CAB39: variants seen among roughly 807,000 people sequenced by gnomAD.
The protein encoded by CAB39 is calcium binding protein 39, also known as calcium-binding protein 39.
In CAB39, 8 loss-of-function variants were observed where a neutral mutation model predicts 40.0. The observed-to-expected ratio is 0.20, with a 90% CI of 0.12 to 0.36. The LOEUF is 0.36. CAB39 is among the 10% of genes least tolerant of loss of function. CAB39 has a pLI of 1.00. For synonymous variants in CAB39, 156 were observed against 141.6 expected (o/e 1.10, Z -0.72); for missense variants, 270 against 401.1 (o/e 0.67, Z 2.79).
rs775903712 is a variant in CAB39 at position 230,798,719 on chromosome 2, G to A, written c.399-10G>A. On this transcript the variant is annotated splice_polypyrimidine_tract_variant and intron_variant, in intron 4 of 8. Transcript: ENST00000258418. The stretch of plus-strand genomic sequence containing the variant: ...GTTTGGTTTGTTTGTTTGGTTTTTT[G>A]TTTTTGCAGGTATGAATCTCCAGAA... 6.4e-7 allele frequency: 1 copy of A among 1,572,592 alleles called. No homozygotes were observed. The highest frequency in any genetic ancestry group is 8.7e-7 in the Non-Finnish European group (1 of 1,155,922).
chr2:230,756,756 G>A (rs1255887569), intron 1 of CAB39, among the ~76,000 whole-genome samples: 1 of 151,418 alleles, frequency 6.6e-6, no homozygotes, highest in Non-Finnish European at 1.5e-5. Context: ...GCAGTGGCGT[G>A]ATCTTAGCTC....
Position 230,727,363 on chromosome 2 carries a change from CGTGTGTGT to C in CAB39, c.-44+14162_-44+14169del, listed in dbSNP as rs10542723. 5.1e-3 allele frequency among the ~76,000 whole-genome samples: 652 copies of C among 126,940 alleles called. 5 individuals are homozygous for C. Among genetic ancestry groups the C allele is most frequent in the Non-Finnish European group, 6.9e-3 (440 of 63,454 alleles). The allele number at this position is 126,940 out of a possible 152,430, so 83.3% of individuals were successfully genotyped here. A position where few individuals can be genotyped will look rare whatever the true frequency, so the allele number is the denominator to read the frequency against. ...TAGAGCACTTGAATAGATTGTTAAC[CGTGTGTGT>C]GTGTGTGTGTGTGTGTGTGTGTGTG... On this transcript the variant is annotated intron_variant, in intron 1 of 8. Transcript: ENST00000258418.
chr2:230,765,787 A>T (rs946657804), intron 2 of CAB39, among the ~76,000 whole-genome samples: 4 of 152,136 alleles, frequency 2.6e-5, no homozygotes, highest in Non-Finnish European at 5.9e-5. Context: ...TAAACAGGGA[A>T]TGAATAGCTC....
intron 1 of CAB39, among the ~76,000 whole-genome samples, chr2:230,756,452 G>A (rs1446590665): frequency 1.3e-5 from 2 of 152,198 alleles, no homozygotes; most frequent in African/African-American, 4.8e-5. Flanking sequence ...ACATGACTGT[G>A]TAAGATATTT....
chr2:230,729,603 A>G (rs1352063745), intron 1 of CAB39, among the ~76,000 whole-genome samples: 2 of 152,086 alleles, frequency 1.3e-5, no homozygotes, highest in African/African-American at 4.8e-5. Flanking sequence ...ATACAAAAAA[A>G]TCAGCTGGGC....
chr2:230,783,308 C>A (rs370624679), intron 2 of CAB39, among the ~76,000 whole-genome samples: 1 of 152,200 alleles, frequency 6.6e-6, no homozygotes. Flanking sequence ...TTGTTCAGTG[C>A]TGTAACTCTT....
rs187875969 is a variant in CAB39, at chr2:230,818,076, A to C, written c.837+179A>C. The stretch of plus-strand genomic sequence containing the variant: ...AGAAAGGTAGACCTGGAAACGGGTT[A>C]CTGTTTGGATCTGGGAACGAGAAGG... On this transcript the variant is annotated intron_variant, in intron 8 of 8. Transcript: ENST00000258418. 81 of 595,998 alleles carry C rather than the reference A, an allele frequency of 1.4e-4. No individual in the cohort carries two copies. In the East Asian group the frequency reaches 2.5e-3, roughly 18 times the overall value. The allele number at this position is 595,998 out of a possible 1,614,324, so 36.9% of individuals were successfully genotyped here. A position where few individuals can be genotyped will look rare whatever the true frequency, so the allele number is the denominator to read the frequency against.
At chr2:230,728,921 A>G (rs1327597204) in intron 1 of CAB39, among the ~76,000 whole-genome samples, 1 of 152,208 alleles carries the variant, frequency 6.6e-6, no homozygotes, top group Non-Finnish European at 1.5e-5. Context: ...CCCCAGATGC[A>G]CATACAGAAG....
intron 2 of CAB39, among the ~76,000 whole-genome samples, chr2:230,780,136 C>T (rs902117621): frequency 6.6e-6 from 1 of 152,132 alleles, no homozygotes; most frequent in African/African-American, 2.4e-5. Context: ...CAAAGCTAAC[C>T]TCCTTTTTGT....
chr2:230,772,570 C>T (rs1162865533), intron 2 of CAB39, among the ~76,000 whole-genome samples: 2 of 151,832 alleles, frequency 1.3e-5, no homozygotes, highest in East Asian at 1.9e-4. Flanking sequence ...CTGCAAGCTC[C>T]ACCTCCCTGG....
intron 1 of CAB39, among the ~76,000 whole-genome samples, chr2:230,739,696 G>T (rs1467753368): frequency 6.6e-6 from 1 of 152,212 alleles, no homozygotes; most frequent in East Asian, 1.9e-4. Flanking sequence ...GTTTCTGCAT[G>T]TTGGTCAGGC....
At chr2:230,746,775 C>G (rs993934591) in intron 1 of CAB39, among the ~76,000 whole-genome samples, 2 of 152,090 alleles carry the variant, frequency 1.3e-5, no homozygotes, top group African/African-American at 2.4e-5. Context: ...TGTATCATTT[C>G]TGTAGGATTT....
chr2:230,748,825 AAAAAAAATATATATATATAT>A (rs1695026041), intron 1 of CAB39, among the ~76,000 whole-genome samples: 1 of 59,234 alleles, frequency 1.7e-5, no homozygotes, highest in South Asian at 5.7e-4. Context: ...AAAAAAAAAA[AAAAAAAATATATATATATAT>A]ATATATATAT....
At chr2:230,727,028 G>A (rs538302876) in intron 1 of CAB39, among the ~76,000 whole-genome samples, 3 of 151,614 alleles carry the variant, frequency 2.0e-5, no homozygotes, top group East Asian at 1.9e-4. Flanking sequence ...TAAGAAATAC[G>A]GAGAGGGAAG....
intron 2 of CAB39, among the ~76,000 whole-genome samples, chr2:230,768,772 C>G (rs774564750): frequency 1.3e-5 from 2 of 151,990 alleles, no homozygotes; most frequent in East Asian, 3.9e-4. Flanking sequence ...AAAAAACAGA[C>G]CATGTGTCAA....
intron 2 of CAB39, among the ~76,000 whole-genome samples, chr2:230,776,525 T>C (rs569554769): frequency 1.4e-3 from 211 of 152,322 alleles, no homozygotes; most frequent in African/African-American, 4.8e-3. Flanking sequence ...ACTTCAAGAA[T>C]GTTAAATAAA....
At chr2:230,802,018 T>C (rs1196909679) in intron 5 of CAB39, among the ~76,000 whole-genome samples, 1 of 152,104 alleles carries the variant, frequency 6.6e-6, no homozygotes, top group African/African-American at 2.4e-5. Context: ...AAGCCAAAAA[T>C]GTTTCCAATG....
intron 2 of CAB39, among the ~76,000 whole-genome samples, chr2:230,787,943 C>A (rs1007041192): frequency 6.6e-6 from 1 of 152,198 alleles, no homozygotes; most frequent in Non-Finnish European, 1.5e-5. Context: ...TAACAACTAT[C>A]TGATTCTGAA....
At chr2:230,783,692 G>C (rs1317415058) in intron 2 of CAB39, among the ~76,000 whole-genome samples, 3 of 151,770 alleles carry the variant, frequency 2.0e-5, no homozygotes, top group Non-Finnish European at 4.4e-5. Flanking sequence ...GAGAGATAGG[G>C]TCTCTCACCA....
Sources: allele counts gnomAD v4.1 joint callset (sites outside exome capture counted in the v4.1 genomes callset), GRCh38; gene constraint gnomAD v4.1.1; transcripts MANE v1.5; gene names NCBI Gene and HGNC (gene_info 2026-07-23, HGNC 2026-07-21).